The following FBXO25 variants were observed in gnomAD, a reference collection of about 807,000 sequenced individuals.
The protein encoded by FBXO25 is F-box only protein 25.
In FBXO25, 45 loss-of-function variants were observed where a neutral mutation model predicts 51.9. The ratio of observed to expected loss-of-function variants is 0.87; its 90% CI spans 0.68 to 1.11. The LOEUF (loss-of-function observed/expected upper bound fraction) is 1.11, where lower values mean the gene tolerates loss of function less well. Among genes scored for constraint, FBXO25 ranks in the 50% most tolerant of loss-of-function variants. FBXO25 has a pLI of 0.00. For missense variants in FBXO25, 507 were observed against 428.5 expected (o/e 1.18, Z -1.62); for synonymous variants, 199 against 151.0 (o/e 1.32, Z -2.33).
intron 5 of FBXO25, among the ~76,000 whole-genome samples, chr8:441,938 A>T (rs1197786755): frequency 6.6e-6 from 1 of 152,220 alleles, no homozygotes; most frequent in African/African-American, 2.4e-5. Flanking sequence ...ACTGTGGAAG[A>T]CAGTGTGGTG....
intron 7 of FBXO25, among the ~76,000 whole-genome samples, chr8:455,465 G>A (rs1035158183): frequency 1.3e-5 from 2 of 152,214 alleles, no homozygotes; most frequent in African/African-American, 4.8e-5. Flanking sequence ...TTGAGGGGAT[G>A]GGCCTCCCAT....
At chr8:468,473 G>C (rs1202617510) in intron 9 of FBXO25, among the ~76,000 whole-genome samples, 1 of 152,126 alleles carries the variant, frequency 6.6e-6, no homozygotes, top group East Asian at 1.9e-4. Flanking sequence ...TTCGGCACTG[G>C]AGGGCAGACC....
At chr8:445,481 G>C (rs1465828752) in intron 5 of FBXO25, among the ~76,000 whole-genome samples, 1 of 152,118 alleles carries the variant, frequency 6.6e-6, no homozygotes, top group Non-Finnish European at 1.5e-5. Context: ...AGAGATTTTG[G>C]TCATGTGAGT....
rs568373199 is a variant in FBXO25 at position 445,530 on chromosome 8, C to G, written c.382-4460C>G. Among the ~76,000 whole-genome samples, 790 of 152,334 alleles carry G rather than the reference C, an allele frequency of 5.2e-3. 4 individuals carry two copies. The highest frequency in any genetic ancestry group is 0.018 in the African/African-American group (742 of 41,582). ...GTTTGCCACATTAGAAATTAAAACACTTTTAAAAATATTTCTCCATTTATT... is the reference window on the plus strand; with the variant it reads ...GTTTGCCACATTAGAAATTAAAACAGTTTTAAAAATATTTCTCCATTTATT... On this transcript the variant is annotated intron_variant, in intron 5 of 9. Coordinates refer to ENST00000350302, the MANE Select transcript of FBXO25 (RefSeq NM_183420.2).
intron 2 of FBXO25, among the ~76,000 whole-genome samples, chr8:428,848 C>G (rs184533800): frequency 7.2e-5 from 11 of 152,290 alleles, no homozygotes; most frequent in African/African-American, 2.6e-4. Context: ...AGTTTCAGCC[C>G]TGTTGTAGCA....
intron 2 of FBXO25, among the ~76,000 whole-genome samples, chr8:420,863 C>G (rs148991327): frequency 0.025 from 3,770 of 152,292 alleles, 91 homozygotes; most frequent in East Asian, 0.11. Context: ...GTGCACCTGT[C>G]AAAACCCATG....
At chr8:452,468 A>G (rs1799158432) in intron 7 of FBXO25, among the ~76,000 whole-genome samples, 2 of 152,240 alleles carry the variant, frequency 1.3e-5, no homozygotes, top group African/African-American at 4.8e-5. Flanking sequence ...ACACTTATGC[A>G]TGGCATGGGG....
intron 5 of FBXO25, among the ~76,000 whole-genome samples, chr8:444,549 A>G (rs1249692194): frequency 6.6e-6 from 1 of 152,058 alleles, no homozygotes; most frequent in Non-Finnish European, 1.5e-5. Context: ...TAAATATTCT[A>G]TTGATGTGTG....
intron 2 of FBXO25, among the ~76,000 whole-genome samples, chr8:427,410 T>G (rs7834538): frequency 0.02 from 2,943 of 148,388 alleles, 15 homozygotes; most frequent in African/African-American, 0.065. Context: ...TCATGGCAAC[T>G]TGTTGCATTT....
rs12543236 is a variant in FBXO25 at position 412,907 on chromosome 8, C to G, written c.-7-166C>G. Among the ~76,000 whole-genome samples, 54,831 of 151,966 alleles carry G rather than the reference C, an allele frequency of 0.36. 10,915 individuals carry two copies. Among genetic ancestry groups the G allele is most frequent in the African/African-American group, 0.54 (22,452 of 41,428 alleles). On this transcript the variant is annotated intron_variant, in intron 1 of 9. Coordinates refer to ENST00000350302, the MANE Select transcript of FBXO25 (RefSeq NM_183420.2). ...TACCCCATTTGATCACTTTAGTACA[C>G]AGTACTGTGTTATTGTCACTGTCAC...
Position 475,149 on chromosome 8 carries a change from A to G in FBXO25, c.*6345A>G, listed in dbSNP as rs1479131960. Reference sequence around the variant, plus strand: ...AATTTTTATATATGGTGTGAGGTAGATCTAGCTTCATGTGGATGTCCACTT... The same window carrying G: ...AATTTTTATATATGGTGTGAGGTAGGTCTAGCTTCATGTGGATGTCCACTT... On this transcript the variant is annotated 3_prime_UTR_variant, in exon 10 of 10. Transcript: ENST00000350302. 2.9e-6 allele frequency: 1 copy of G among 350,032 alleles called. No homozygotes were observed. Among genetic ancestry groups the G allele is most frequent in the East Asian group, 7.7e-5 (1 of 12,968 alleles). The allele number at this position is 350,032 out of a possible 1,614,324, so 21.7% of individuals were successfully genotyped here.
chr8:440,349 C>G (rs1348498175), intron 5 of FBXO25, among the ~76,000 whole-genome samples: 5 of 152,184 alleles, frequency 3.3e-5, no homozygotes, highest in Admixed American at 1.3e-4. Flanking sequence ...AGGATTTAGG[C>G]AGAGGGATGA....
At chr8:432,847 T>C (rs1260998288) in intron 3 of FBXO25, 39 bp from the exon 4 acceptor site, 3 of 1,510,054 alleles carry the variant, frequency 2.0e-6, no homozygotes, top group South Asian at 1.3e-5. Context: ...TTTGAAATGA[T>C]TTGCCAGATT....
intron 2 of FBXO25, among the ~76,000 whole-genome samples, chr8:416,885 T>A (rs930906497): frequency 6.6e-6 from 1 of 152,212 alleles, no homozygotes; most frequent in East Asian, 1.9e-4. Context: ...CGCAGTGTAG[T>A]AAGTGTGATA....
At chr8:447,030 A>G (rs1452808140) in intron 5 of FBXO25, among the ~76,000 whole-genome samples, 2 of 152,206 alleles carry the variant, frequency 1.3e-5, no homozygotes, top group Non-Finnish European at 2.9e-5. Flanking sequence ...CAGTGATACT[A>G]TAGGCGGAAC....
intron 2 of FBXO25, among the ~76,000 whole-genome samples, chr8:425,842 C>A (rs1344624694): frequency 2.0e-5 from 3 of 149,000 alleles, no homozygotes; most frequent in African/African-American, 7.4e-5. Flanking sequence ...CCACCTTGTT[C>A]TATTTTATTT....
chr8:453,640 G>C (rs185489460), intron 7 of FBXO25, among the ~76,000 whole-genome samples: 1 of 152,066 alleles, frequency 6.6e-6, no homozygotes, highest in Non-Finnish European at 1.5e-5. Flanking sequence ...GCTTATTCAC[G>C]TGAATTTTGA....
At position 475,927 on chromosome 8, in the gene FBXO25, A is replaced by T. The variant is rs535063780; in HGVS notation, c.*7123A>T. The T allele has an allele frequency of 3.3e-5, 5 of 152,232 alleles. No homozygotes were observed. Among genetic ancestry groups the T allele is most frequent in the African/African-American group, 1.2e-4 (5 of 41,558 alleles). The allele number at this position is 152,232 out of a possible 1,614,324, so 9.4% of individuals were successfully genotyped here. A position where few individuals can be genotyped will look rare whatever the true frequency, so the allele number is the denominator to read the frequency against. On this transcript the variant is annotated 3_prime_UTR_variant, in exon 10 of 10. Coordinates refer to ENST00000350302, the MANE Select transcript of FBXO25 (RefSeq NM_183420.2). The stretch of plus-strand genomic sequence containing the variant: ...GCTCTAAGACTCCAGTACTGTGTTA[A>T]ACAGAAGTGGTGAGACAGGGTATTT...
intron 5 of FBXO25, among the ~76,000 whole-genome samples, chr8:444,851 C>A (rs1242552645): frequency 6.6e-6 from 1 of 152,138 alleles, no homozygotes; most frequent in Non-Finnish European, 1.5e-5. Flanking sequence ...TGTAGCCTAG[C>A]TGTGTAGGTG....
Sources: allele counts gnomAD v4.1 joint callset (sites outside exome capture counted in the v4.1 genomes callset), GRCh38; gene constraint gnomAD v4.1.1; transcripts MANE v1.5; gene names NCBI Gene and HGNC (gene_info 2026-07-23, HGNC 2026-07-21).